The following TBC1D15 variants were observed in gnomAD, a reference collection of about 807,000 sequenced individuals.
TBC1D15 encodes TBC1 domain family member 15, also known as GAP for RAB7.
A neutral mutation model predicts 95.4 loss-of-function variants in TBC1D15; 39 were observed. The observed-to-expected ratio is 0.41, with a 90% CI of 0.32 to 0.53. The LOEUF (loss-of-function observed/expected upper bound fraction) is 0.53, where lower values mean the gene tolerates loss of function less well. Ranked by LOEUF, TBC1D15 falls within the 20% of genes least tolerant of loss-of-function variation. TBC1D15 has a pLI of 0.29. For synonymous variants in TBC1D15, 258 were observed against 261.3 expected (o/e 0.99, Z 0.12); for missense variants, 733 against 794.3 (o/e 0.92, Z 0.93).
intron 12 of TBC1D15, among the ~76,000 whole-genome samples, chr12:71,916,107 T>C (rs1299741710): frequency 2.0e-5 from 3 of 152,178 alleles, no homozygotes; most frequent in Non-Finnish European, 4.4e-5. Flanking sequence ...AACTTTGTTA[T>C]ACCCATCATC....
At chr12:71,890,611 G>T (rs1481113430) in intron 5 of TBC1D15, among the ~76,000 whole-genome samples, 1 of 152,134 alleles carries the variant, frequency 6.6e-6, no homozygotes, top group Non-Finnish European at 1.5e-5. Flanking sequence ...AGTAATCTAG[G>T]AATGGGCAAC....
chr12:71,866,554 G>GT (rs1260266373), intron 1 of TBC1D15, among the ~76,000 whole-genome samples: 1 of 152,188 alleles, frequency 6.6e-6, no homozygotes, highest in East Asian at 1.9e-4. Context: ...GCCATCCTGA[G>GT]TTTCTGTGTG....
In TBC1D15 at chr12:71,876,568, A is replaced by G. The variant is rs558138056; in HGVS notation, c.204+3565A>G. 1.2e-4 allele frequency among the ~76,000 whole-genome samples: 18 copies of G among 152,160 alleles called. No individual in the cohort carries two copies. The South Asian group carries it at 1.9e-3, about 16-fold the overall frequency. On this transcript the variant is annotated intron_variant, in intron 3 of 16. Transcript: ENST00000485960. ...GGGGGTTCTTTTTTGCCTCTTTTCC[A>G]TATTTTAATCCCTCTGTTTTTTGTA...
intron 1 of TBC1D15, chr12:71,849,164 A>T (rs775169601): frequency 7.7e-4 from 95 of 122,746 alleles, no homozygotes; most frequent in Admixed American, 2.7e-3. Flanking sequence ...CTGTGATTAT[A>T]AAAAAAAAAA....
intron 4 of TBC1D15, 99 bp downstream of exon 4, chr12:71,880,706 AT>A: frequency 7.6e-7 from 1 of 1,310,872 alleles, no homozygotes; most frequent in Non-Finnish European, 1.0e-6. Context: ...AGTGAGAAGG[AT>A]GATTAATTTC....
At chr12:71,889,936 C>T (rs906867008) in intron 5 of TBC1D15, among the ~76,000 whole-genome samples, 1 of 152,134 alleles carries the variant, frequency 6.6e-6, no homozygotes, top group African/African-American at 2.4e-5. Flanking sequence ...GGAAAATAGC[C>T]TCCAGCTTCA....
chr12:71,855,899 T>C (rs1486626304), intron 1 of TBC1D15, among the ~76,000 whole-genome samples: 2 of 151,714 alleles, frequency 1.3e-5, no homozygotes, highest in Admixed American at 1.3e-4. Context: ...TTGTTTTTCT[T>C]AATCAGTTGC....
intron 1 of TBC1D15, 88 bp downstream of exon 1, chr12:71,839,899 A>T: frequency 6.6e-7 from 1 of 1,525,936 alleles, no homozygotes; most frequent in East Asian, 2.3e-5. Context: ...GAGGGACACG[A>T]GGGACTTTCT....
intron 14 of TBC1D15, 126 bp from the exon 15 acceptor site, chr12:71,920,605 C>A: frequency 1.4e-6 from 1 of 734,952 alleles, no homozygotes. Context: ...CTAGAAAAAC[C>A]TTGGGCTACC....
chr12:71,874,794 TG>T (rs1486338997), intron 3 of TBC1D15, among the ~76,000 whole-genome samples: 5 of 151,788 alleles, frequency 3.3e-5, no homozygotes, highest in Non-Finnish European at 5.9e-5. Flanking sequence ...AGCTAAGTTT[TG>T]TATTTTTAGT....
chr12:71,916,378 A>G (rs1291134394), intron 12 of TBC1D15, among the ~76,000 whole-genome samples: 1 of 152,208 alleles, frequency 6.6e-6, no homozygotes, highest in Non-Finnish European at 1.5e-5. Context: ...ACTGTGTCAC[A>G]GCAAAAATGA....
At chr12:71,894,422 T>C in intron 6 of TBC1D15, 1 of 1,576,726 alleles carries the variant, frequency 6.3e-7, no homozygotes, top group Non-Finnish European at 8.7e-7. Flanking sequence ...GAGTGAAGCC[T>C]GCAAATCATT....
rs1054648927 is a variant in TBC1D15, at chr12:71,893,321, A to T, written c.654A>T (p.Ile218=). 2 of 1,603,746 alleles carry T rather than the reference A, an allele frequency of 1.2e-6. No individual in the cohort carries two copies. Among genetic ancestry groups the T allele is most frequent in the Non-Finnish European group, 1.7e-6 (2 of 1,172,846 alleles). The stretch of plus-strand genomic sequence containing the variant: ...TTGATGAGCCAGCATATGGTTTAAT[A>T]CAAGTATGTTCCTTAAATCTATCCT... The part of the protein sequence containing the change: ...NLLDEPAYGL[I]QKIKKDPYTA... Residue 218 remains isoleucine (I), a synonymous_variant, in exon 6 of 17, where the codon ATA becomes ATT. Transcript: ENST00000485960.
chr12:71,917,306 A>G (rs1903946486), intron 12 of TBC1D15, among the ~76,000 whole-genome samples: 1 of 152,234 alleles, frequency 6.6e-6, no homozygotes, highest in Non-Finnish European at 1.5e-5. Flanking sequence ...CTAAAACTAA[A>G]ATTAATTTTA....
intron 1 of TBC1D15, among the ~76,000 whole-genome samples, chr12:71,863,949 A>AT (rs1024473977): frequency 6.9e-5 from 10 of 145,412 alleles, no homozygotes; most frequent in Admixed American, 2.0e-4. Flanking sequence ...AATTATCTGT[A>AT]TTTTTTTTGT....
At chr12:71,874,715 C>G (rs958572092) in intron 3 of TBC1D15, among the ~76,000 whole-genome samples, 1 of 149,270 alleles carries the variant, frequency 6.7e-6, no homozygotes, top group Non-Finnish European at 1.5e-5. Flanking sequence ...CTCTACCTCC[C>G]AGGTTCAAAC....
intron 1 of TBC1D15, among the ~76,000 whole-genome samples, chr12:71,851,327 A>G (rs955574138): frequency 1.3e-5 from 2 of 151,664 alleles, no homozygotes; most frequent in African/African-American, 4.8e-5. Flanking sequence ...CCCCACCTCC[A>G]ACGTTGGGTA....
intron 1 of TBC1D15, among the ~76,000 whole-genome samples, chr12:71,858,469 T>G (rs1889621066): frequency 6.7e-6 from 1 of 149,718 alleles, no homozygotes; most frequent in South Asian, 2.1e-4. Flanking sequence ...TGGGAGTGCT[T>G]CTTTGACATG....
chr12:71,915,062 A>T (rs1047921664), intron 12 of TBC1D15, among the ~76,000 whole-genome samples: 1 of 151,834 alleles, frequency 6.6e-6, no homozygotes, highest in Non-Finnish European at 1.5e-5. Flanking sequence ...CCATAAATTA[A>T]TTTTTTTTGA....
Sources: allele counts gnomAD v4.1 joint callset (sites outside exome capture counted in the v4.1 genomes callset), GRCh38; gene constraint gnomAD v4.1.1; transcripts MANE v1.5; gene names NCBI Gene and HGNC (gene_info 2026-07-23, HGNC 2026-07-21).